TECRL: variants seen among roughly 807,000 people sequenced by gnomAD.
TECRL encodes the protein trans-2,3-enoyl-CoA reductase-like.
TECRL carries 63 observed loss-of-function variants against 52.8 expected under a neutral mutation model. The ratio of observed to expected loss-of-function variants is 1.19; its 90% CI spans 0.97 to 1.47. TECRL has a LOEUF of 1.47. Among genes scored for constraint, TECRL ranks in the 40% most tolerant of loss-of-function variants. TECRL has a pLI of 0.00. For missense variants in TECRL, 482 were observed against 429.6 expected (o/e 1.12, Z -1.08); for synonymous variants, 164 against 141.9 (o/e 1.16, Z -1.10).
chr4:64,293,169 C>T (rs1310249761), intron 8 of TECRL, among the ~76,000 whole-genome samples: 3 of 151,996 alleles, frequency 2.0e-5, no homozygotes, highest in Admixed American at 6.6e-5. Context: ...TCAACTAATA[C>T]GATATTGAAG....
At chr4:64,365,092 A>G in intron 2 of TECRL, among the ~76,000 whole-genome samples, 1 of 152,124 alleles carries the variant, frequency 6.6e-6, no homozygotes, top group Non-Finnish European at 1.5e-5. Flanking sequence ...AGGTGGTTCA[A>G]GGTACACAAG....
intron 1 of TECRL, among the ~76,000 whole-genome samples, chr4:64,383,953 G>C (rs1351869746): frequency 6.6e-6 from 1 of 152,032 alleles, no homozygotes; most frequent in Non-Finnish European, 1.5e-5. Context: ...TTGATTCTTG[G>C]TGGGTGCAGT....
chr4:64,382,342 CACAT>C (rs1722877918), intron 1 of TECRL, among the ~76,000 whole-genome samples: 1 of 144,904 alleles, frequency 6.9e-6, no homozygotes. Context: ...TATATACACA[CACAT>C]ACACACACAC....
chr4:64,310,298 C>T (rs1473088115), intron 5 of TECRL, among the ~76,000 whole-genome samples: 12 of 152,214 alleles, frequency 7.9e-5, no homozygotes, highest in African/African-American at 2.6e-4. Flanking sequence ...TTAAAAATAT[C>T]CAAAGCCTAG....
At chr4:64,392,525 C>T (rs1424605131) in intron 1 of TECRL, among the ~76,000 whole-genome samples, 1 of 151,868 alleles carries the variant, frequency 6.6e-6, no homozygotes, top group African/African-American at 2.4e-5. Context: ...ACATTATCTG[C>T]TTTCCTAGAG....
At chr4:64,368,798 A>G (rs1721789968) in intron 2 of TECRL, among the ~76,000 whole-genome samples, 1 of 152,010 alleles carries the variant, frequency 6.6e-6, no homozygotes, top group South Asian at 2.1e-4. Flanking sequence ...CTCAGAGAAC[A>G]CTCATTATTT....
chr4:64,394,907 A>ATTTTTT (rs751448355), intron 1 of TECRL, among the ~76,000 whole-genome samples: 4 of 105,116 alleles, frequency 3.8e-5, no homozygotes, highest in African/African-American at 8.1e-5. Flanking sequence ...ATTAACAAGC[A>ATTTTTT]TTTTTTTTTT....
downstream of TECRL, among the ~76,000 whole-genome samples, chr4:64,277,306 A>G (rs1027347435): frequency 6.6e-6 from 1 of 151,890 alleles, no homozygotes; most frequent in Admixed American, 6.6e-5. Flanking sequence ...TCGAGTTACA[A>G]AAACAGAAAC....
At chr4:64,277,241 CCTT>C (rs1288198967), downstream of TECRL, among the ~76,000 whole-genome samples, 3 of 151,798 alleles carry the variant, frequency 2.0e-5, no homozygotes, top group South Asian at 4.1e-4. Flanking sequence ...TACTTAAAGT[CCTT>C]CTTCTAGTCC....
rs752037972 is a variant in TECRL at position 64,313,977 on chromosome 4, CAAA to C, written c.551+668_551+670del. Among the ~76,000 whole-genome samples the C allele has an allele frequency of 5.0e-3, 310 of 61,974 alleles. 2 individuals are homozygous for C. Among genetic ancestry groups the C allele is most frequent in the African/African-American group, 0.015 (299 of 20,102 alleles). The allele number at this position is 61,974 out of a possible 152,430, so 40.7% of individuals were successfully genotyped here. On this transcript the variant is annotated intron_variant, in intron 5 of 11. Transcript: ENST00000381210. ...TGAAATCCCGTCTCCACTAAAAATA[CAAA>C]AAAAAAAAAAAAAAAAAAAATTAGC...
At chr4:64,361,264 C>A (rs933679018) in intron 2 of TECRL, among the ~76,000 whole-genome samples, 10 of 152,192 alleles carry the variant, frequency 6.6e-5, no homozygotes, top group Non-Finnish European at 7.3e-5. Context: ...CACTTGCCTG[C>A]AGCCTTCCAC....
chr4:64,404,668 G>A (rs1724590704), intron 1 of TECRL, among the ~76,000 whole-genome samples: 1 of 151,998 alleles, frequency 6.6e-6, no homozygotes, highest in Non-Finnish European at 1.5e-5. Context: ...GAACATGACT[G>A]TCTATTAATG....
chr4:64,294,697 A>T (rs1421344121), intron 8 of TECRL, among the ~76,000 whole-genome samples: 1 of 152,154 alleles, frequency 6.6e-6, no homozygotes, highest in Non-Finnish European at 1.5e-5. Context: ...CAATGTACAA[A>T]GAACCGTGGT....
At chr4:64,309,241 A>G (rs1724523335) in intron 6 of TECRL, among the ~76,000 whole-genome samples, 1 of 152,204 alleles carries the variant, frequency 6.6e-6, no homozygotes, top group Admixed American at 6.5e-5. Flanking sequence ...TTTTACAGAC[A>G]AACCTTTTTC....
chr4:64,376,856 T>G (rs908916801), intron 1 of TECRL, among the ~76,000 whole-genome samples: 1 of 152,010 alleles, frequency 6.6e-6, no homozygotes, highest in African/African-American at 2.4e-5. Flanking sequence ...TTGTTTTGTT[T>G]TATCATGTAG....
chr4:64,346,357 A>G (rs1053385736), intron 2 of TECRL, among the ~76,000 whole-genome samples: 1 of 152,152 alleles, frequency 6.6e-6, no homozygotes, highest in African/African-American at 2.4e-5. Flanking sequence ...TCCCCTCTGC[A>G]CTATTCTAGA....
Position 64,281,360 on chromosome 4 carries a change from A to G in TECRL, c.918+114T>C, listed in dbSNP as rs371822822. The stretch of plus-strand genomic sequence containing the variant: ...TTTGTTATACCATGATCTGTGGATA[A>G]GACCTCTATATTTTTCCTGTATATA... On this transcript the variant is annotated intron_variant, in intron 10 of 11. Coordinates refer to ENST00000381210, the MANE Select transcript of TECRL (RefSeq NM_001010874.5). 295 of 671,344 alleles carry G rather than the reference A, an allele frequency of 4.4e-4. 7 individuals carry two copies. In the South Asian group the frequency reaches 5.8e-3, roughly 13 times the overall value. 41.6% of individuals were successfully genotyped at this position (671,344 alleles called of 1,614,324 possible).
intron 4 of TECRL, among the ~76,000 whole-genome samples, chr4:64,321,245 A>C (rs989576631): frequency 2.0e-5 from 3 of 152,120 alleles, no homozygotes; most frequent in African/African-American, 4.8e-5. Flanking sequence ...TTAATTAATA[A>C]ATTTAAAATT....
intron 6 of TECRL, among the ~76,000 whole-genome samples, chr4:64,307,966 T>A (rs1724435910): frequency 2.0e-5 from 3 of 152,142 alleles, no homozygotes; most frequent in Non-Finnish European, 2.9e-5. Flanking sequence ...CAAATGTGCA[T>A]ACTGGAGGAC....
Sources: gnomAD v4.1 joint callset for allele counts (sites outside exome capture counted in the v4.1 genomes callset) on GRCh38, gnomAD v4.1.1 for gene constraint, MANE v1.5 for transcripts, NCBI Gene and HGNC (gene_info 2026-07-23, HGNC 2026-07-21) for gene names.